Variants in DIPK1A observed in about 807,000 individuals in gnomAD.
DIPK1A encodes the protein divergent protein kinase domain 1A.
In DIPK1A, 27 loss-of-function variants were observed where a neutral mutation model predicts 40.8. The observed-to-expected ratio is 0.66, with a 90% confidence interval of 0.49 to 0.91. The LOEUF (loss-of-function observed/expected upper bound fraction) is 0.91. Ranked by LOEUF, DIPK1A falls within the 40% of genes least tolerant of loss-of-function variation. The pLI, the probability that DIPK1A is intolerant of heterozygous loss-of-function variation, is 0.00. For missense variants in DIPK1A, 412 were observed against 505.7 expected (o/e 0.81, Z 1.78); for synonymous variants, 166 against 171.3 (o/e 0.97, Z 0.24).
chr1:92,837,135 GAAAATTA>G (rs1188410881), intron 4 of DIPK1A: 1 of 430,862 alleles, frequency 2.3e-6, no homozygotes, highest in African/African-American at 2.0e-5. Flanking sequence ...TGTACCCACT[GAAAATTA>G]AAGGATTTAG....
At chr1:92,954,144 T>G (rs532864497) in intron 1 of DIPK1A, among the ~76,000 whole-genome samples, 4 of 151,942 alleles carry the variant, frequency 2.6e-5, no homozygotes, top group African/African-American at 9.7e-5. Flanking sequence ...TAAAGGAAAA[T>G]TATTTGCAAA....
At chr1:92,936,998 T>C (rs1218974983) in intron 1 of DIPK1A, among the ~76,000 whole-genome samples, 2 of 152,260 alleles carry the variant, frequency 1.3e-5, no homozygotes, top group South Asian at 4.1e-4. Flanking sequence ...CTGTACCCAC[T>C]AGCTACCAAG....
intron 2 of DIPK1A, among the ~76,000 whole-genome samples, chr1:92,863,830 CACTT>C (rs1195964194): frequency 2.0e-5 from 3 of 151,998 alleles, no homozygotes; most frequent in African/African-American, 7.2e-5. Context: ...AGGAGAGGCT[CACTT>C]AAGGTCGGTC....
chr1:92,957,084 C>T (rs1651882926), intron 1 of DIPK1A, among the ~76,000 whole-genome samples: 1 of 152,114 alleles, frequency 6.6e-6, no homozygotes, highest in Non-Finnish European at 1.5e-5. Context: ...CAGGACTTAA[C>T]GATGGTGAGA....
chr1:92,880,712 C>T (rs950041267), intron 1 of DIPK1A, among the ~76,000 whole-genome samples: 5 of 150,994 alleles, frequency 3.3e-5, no homozygotes, highest in South Asian at 4.2e-4. Flanking sequence ...ACTAAAAATA[C>T]AAAAAAAATT....
intron 2 of DIPK1A, among the ~76,000 whole-genome samples, chr1:92,852,151 G>T (rs938041531): frequency 2.0e-5 from 3 of 152,060 alleles, no homozygotes; most frequent in Admixed American, 2.0e-4. Flanking sequence ...GATCTATACA[G>T]CAAATCTACA....
intron 1 of DIPK1A, among the ~76,000 whole-genome samples, chr1:92,891,346 G>T (rs1057286401): frequency 1.3e-5 from 2 of 150,638 alleles, no homozygotes; most frequent in African/African-American, 4.9e-5. Context: ...TTTGGGTTTG[G>T]TTTATTCTTG....
At chr1:92,925,178 T>C (rs1650441220) in intron 1 of DIPK1A, among the ~76,000 whole-genome samples, 2 of 152,240 alleles carry the variant, frequency 1.3e-5, no homozygotes, top group Non-Finnish European at 2.9e-5. Flanking sequence ...TTAATCCTTT[T>C]ATTTATAGCT....
chr1:92,910,049 G>A (rs973006625), intron 1 of DIPK1A, among the ~76,000 whole-genome samples: 2 of 152,112 alleles, frequency 1.3e-5, no homozygotes, highest in African/African-American at 4.8e-5. Flanking sequence ...AAGAACCTAG[G>A]GCAAGCTCTT....
At chr1:92,898,237 T>C (rs1462072350) in intron 1 of DIPK1A, among the ~76,000 whole-genome samples, 3 of 152,194 alleles carry the variant, frequency 2.0e-5, no homozygotes, top group East Asian at 3.9e-4. Flanking sequence ...CTTACAGTCA[T>C]GGTGAAAGTG....
chr1:92,937,472 C>G (rs1016457562), intron 1 of DIPK1A, among the ~76,000 whole-genome samples: 1 of 152,126 alleles, frequency 6.6e-6, no homozygotes, highest in South Asian at 2.1e-4. Flanking sequence ...GAAATCCCCA[C>G]ATGCTTTATT....
intron 1 of DIPK1A, among the ~76,000 whole-genome samples, chr1:92,883,176 C>G (rs1648454250): frequency 6.6e-6 from 1 of 152,136 alleles, no homozygotes; most frequent in Non-Finnish European, 1.5e-5. Flanking sequence ...ACATAAAAGG[C>G]ATCTCTAGGG....
intron 1 of DIPK1A, among the ~76,000 whole-genome samples, chr1:92,891,415 T>C (rs903494748): frequency 2.0e-5 from 3 of 152,184 alleles, no homozygotes; most frequent in African/African-American, 7.2e-5. Context: ...TTCTACTTTT[T>C]GGATGTAGGT....
At chr1:92,878,956 G>A (rs371596188) in intron 1 of DIPK1A, among the ~76,000 whole-genome samples, 226 of 152,180 alleles carry the variant, frequency 1.5e-3, no homozygotes, top group African/African-American at 5.3e-3. Context: ...GCAGTGAGCC[G>A]AGATTGTGCC....
chr1:92,837,739 A>C (rs1687185064), downstream of DIPK1A: 13 of 879,664 alleles, frequency 1.5e-5, no homozygotes, highest in Non-Finnish European at 2.4e-5. Flanking sequence ...TTTCTTGACA[A>C]CATGAGCTAG....
chr1:92,919,714 T>C (rs1315463967), intron 1 of DIPK1A, among the ~76,000 whole-genome samples: 2 of 152,146 alleles, frequency 1.3e-5, no homozygotes, highest in African/African-American at 2.4e-5. Context: ...CAAGGATGAA[T>C]GAGAAGGAAG....
chr1:92,839,628 A>G (rs916814519), downstream of DIPK1A, among the ~76,000 whole-genome samples: 11 of 152,294 alleles, frequency 7.2e-5, no homozygotes, highest in African/African-American at 1.9e-4. Context: ...GTCTCAGTTA[A>G]GCTATGTCAG....
intron 1 of DIPK1A, among the ~76,000 whole-genome samples, chr1:92,876,740 G>T (rs193052370): frequency 4.6e-5 from 7 of 152,298 alleles, no homozygotes; most frequent in African/African-American, 1.7e-4. Flanking sequence ...TGGGCACCTT[G>T]TGAGATCAGG....
intron 2 of DIPK1A, among the ~76,000 whole-genome samples, chr1:92,858,417 T>G (rs1247421715): frequency 6.6e-6 from 1 of 152,212 alleles, no homozygotes; most frequent in African/African-American, 2.4e-5. Context: ...AGATACTTGG[T>G]TACATTCATC....
Sources: gnomAD v4.1 joint callset for allele counts (sites outside exome capture counted in the v4.1 genomes callset) on GRCh38, gnomAD v4.1.1 for gene constraint, MANE v1.5 for transcripts, NCBI Gene and HGNC (gene_info 2026-07-23, HGNC 2026-07-21) for gene names.